The following BACE2 variants were observed in gnomAD, a reference collection of about 807,000 sequenced individuals.
BACE2 encodes beta-secretase 2, also known as 56 kDa aspartic-like protease.
Under a neutral mutation model 46.2 loss-of-function variants are expected in BACE2, and 17 were observed. The observed-to-expected ratio is 0.37, with a 90% CI of 0.25 to 0.55. The LOEUF (loss-of-function observed/expected upper bound fraction) is 0.55, where lower values mean the gene tolerates loss of function less well. Among genes scored for constraint, BACE2 ranks in the 20% least tolerant of loss-of-function variants. The pLI, the probability that BACE2 is intolerant of heterozygous loss-of-function variation, is 0.82. For synonymous variants in BACE2, 277 were observed against 295.9 expected, an observed-to-expected ratio of 0.94 and a Z score of 0.66; for missense variants, 595 against 698.1, an observed-to-expected ratio of 0.85 and a Z score of 1.66.
At chr21:41,233,570 C>T (rs1987027232) in intron 2 of BACE2, among the ~76,000 whole-genome samples, 1 of 152,222 alleles carries the variant, frequency 6.6e-6, no homozygotes, top group African/African-American at 2.4e-5. Context: ...CTTACTAACA[C>T]TACAAATTCT....
chr21:41,238,051 T>G (rs763681790), intron 3 of BACE2, among the ~76,000 whole-genome samples: 1 of 152,222 alleles, frequency 6.6e-6, no homozygotes, highest in Non-Finnish European at 1.5e-5. Flanking sequence ...TAAGGTGGGA[T>G]TAAAAGAAAA....
At chr21:41,208,605 G>A (rs927973398) in intron 1 of BACE2, among the ~76,000 whole-genome samples, 2 of 152,164 alleles carry the variant, frequency 1.3e-5, no homozygotes, top group Admixed American at 6.5e-5. Flanking sequence ...GAGGGTTTCA[G>A]TGCCTCTCCC....
At chr21:41,174,047 A>G (rs1052235325) in intron 1 of BACE2, among the ~76,000 whole-genome samples, 2 of 150,438 alleles carry the variant, frequency 1.3e-5, no homozygotes, top group South Asian at 4.2e-4. Flanking sequence ...TGTTGTAGGT[A>G]AGTTGGCTTC....
intron 1 of BACE2, among the ~76,000 whole-genome samples, chr21:41,197,159 C>T (rs1415206535): frequency 6.6e-6 from 1 of 151,800 alleles, no homozygotes; most frequent in African/African-American, 2.4e-5. Flanking sequence ...TGGGGTCTCA[C>T]TATGTTGCCC....
In BACE2 at chr21:41,257,311, G is replaced by A. The variant is rs1392402874; in HGVS notation, c.1288G>A (p.Ala430Thr). Residue 430 changes from alanine (A) to threonine (T), a missense_variant, in exon 8 of 9, where the codon GCG becomes ACG. Coordinates refer to ENST00000330333, the MANE Select transcript of BACE2 (RefSeq NM_012105.5). ...AGCCCAGAAGAGGGTGGGCTTCGCA[G>A]CGAGCCCCTGTGCAGGTGAGCGATT... The part of the protein sequence containing the change: ...DRAQKRVGFA[A>T]SPCAEIAGAA... The A allele has an allele frequency of 2.5e-6, 4 of 1,613,728 alleles. No individual in the cohort carries two copies. Among genetic ancestry groups the A allele is most frequent in the Non-Finnish European group, 3.4e-6 (4 of 1,180,034 alleles).
chr21:41,174,583 T>C (rs1984738035), intron 1 of BACE2, among the ~76,000 whole-genome samples: 1 of 152,136 alleles, frequency 6.6e-6, no homozygotes, highest in Non-Finnish European at 1.5e-5. Flanking sequence ...ATTCATAGAC[T>C]AGAGCAGGTC....
intron 1 of BACE2, among the ~76,000 whole-genome samples, chr21:41,201,585 C>G (rs564139541): frequency 6.6e-6 from 1 of 152,212 alleles, no homozygotes; most frequent in Non-Finnish European, 1.5e-5. Context: ...CTGGCAGGCT[C>G]CTCAGGGGAG....
At chr21:41,255,687 A>G (rs73902984) in intron 7 of BACE2, among the ~76,000 whole-genome samples, 4,958 of 152,284 alleles carry the variant, frequency 0.033, 113 homozygotes, top group African/African-American at 0.063. Context: ...AGTCCTCAGC[A>G]GATAACTGCT....
intron 1 of BACE2, among the ~76,000 whole-genome samples, chr21:41,194,247 G>A (rs973425293): frequency 5.3e-5 from 8 of 152,100 alleles, no homozygotes; most frequent in Admixed American, 3.9e-4. Flanking sequence ...AGCTCTACAC[G>A]AGCCAGACTG....
intron 1 of BACE2, among the ~76,000 whole-genome samples, chr21:41,223,985 C>T (rs1000789847): frequency 6.6e-6 from 1 of 151,970 alleles, no homozygotes; most frequent in Non-Finnish European, 1.5e-5. Context: ...AGCACCTGTC[C>T]GTGAGACTAA....
intron 8 of BACE2, among the ~76,000 whole-genome samples, chr21:41,263,647 A>T (rs1987995692): frequency 6.6e-6 from 1 of 152,214 alleles, no homozygotes; most frequent in African/African-American, 2.4e-5. Flanking sequence ...TTGAAGATTC[A>T]GTTTCATTGT....
intron 3 of BACE2, among the ~76,000 whole-genome samples, chr21:41,238,954 TAAAAA>T (rs34474586): frequency 1.4e-4 from 12 of 85,682 alleles, no homozygotes; most frequent in South Asian, 4.8e-4. Context: ...AAAGTATAAT[TAAAAA>T]AAAAAAAAAA....
intron 1 of BACE2, among the ~76,000 whole-genome samples, chr21:41,194,865 A>C (rs1038191609): frequency 2.6e-5 from 4 of 152,262 alleles, no homozygotes; most frequent in Non-Finnish European, 5.9e-5. Flanking sequence ...CAAAATCAGC[A>C]AAGCATGGCA....
At chr21:41,202,899 G>C (rs562539567) in intron 1 of BACE2, among the ~76,000 whole-genome samples, 1 of 152,286 alleles carries the variant, frequency 6.6e-6, no homozygotes, top group East Asian at 1.9e-4. Context: ...GATCAGGCAG[G>C]ACAAAATGAT....
intron 1 of BACE2, chr21:41,183,469 C>G (rs920069137): frequency 6.0e-6 from 1 of 166,786 alleles, no homozygotes; most frequent in African/African-American, 2.4e-5. Flanking sequence ...CAACTGGATT[C>G]AAGTTATTTA....
At chr21:41,218,090 C>T (rs981925244) in intron 1 of BACE2, among the ~76,000 whole-genome samples, 2 of 152,152 alleles carry the variant, frequency 1.3e-5, no homozygotes, top group Non-Finnish European at 2.9e-5. Flanking sequence ...AAAGTGAGTC[C>T]CGTTTTCCAG....
rs112413372 is a variant in BACE2 at position 41,275,833 on chromosome 21, A to T, written c.*209A>T. 3.3e-3 allele frequency: 2,035 copies of T among 618,460 alleles called. 13 individuals carry two copies. Among genetic ancestry groups the T allele is most frequent in the East Asian group, 0.017 (554 of 32,924 alleles). The allele number at this position is 618,460 out of a possible 1,614,324, so 38.3% of individuals were successfully genotyped here. A position where few individuals can be genotyped will look rare whatever the true frequency, so the allele number is the denominator to read the frequency against. ...CTCCCTACTTCCAAGAAAAATAATT[A>T]AAAAAAAAACTTCATTCTAAACCAA... On this transcript the variant is annotated 3_prime_UTR_variant, in exon 9 of 9. Coordinates refer to ENST00000330333, the MANE Select transcript of BACE2 (RefSeq NM_012105.5).
intron 6 of BACE2, chr21:41,246,285 T>C: frequency 7.3e-6 from 2 of 275,086 alleles, no homozygotes; most frequent in Non-Finnish European, 6.7e-6. Flanking sequence ...TTGTTTCAAC[T>C]ATTACTTGTT....
chr21:41,223,144 G>A (rs373709633), intron 1 of BACE2, among the ~76,000 whole-genome samples: 118 of 152,090 alleles, frequency 7.8e-4, no homozygotes, highest in African/African-American at 2.5e-3. Context: ...ACTTGAGCCC[G>A]GGAGTTCAAG....
Sources: allele counts gnomAD v4.1 joint callset (sites outside exome capture counted in the v4.1 genomes callset), GRCh38; gene constraint gnomAD v4.1.1; transcripts MANE v1.5; gene names NCBI Gene and HGNC (gene_info 2026-07-23, HGNC 2026-07-21).